The following ITGB5 variants were observed in gnomAD, a reference collection of about 807,000 sequenced individuals.
The protein encoded by ITGB5 is integrin beta-5.
Under a neutral mutation model 84.8 loss-of-function variants are expected in ITGB5, and 38 were observed. The ratio of observed to expected loss-of-function variants is 0.45; its 90% CI spans 0.35 to 0.59. ITGB5 has a LOEUF of 0.59. ITGB5 is among the 20% of genes least tolerant of loss of function. ITGB5 has a pLI of 0.01. For missense variants in ITGB5, 905 were observed against 1,034.5 expected (o/e 0.87, Z 1.72); for synonymous variants, 393 against 414.4 (o/e 0.95, Z 0.63).
rs1363393696 is a variant in ITGB5 at position 124,765,821 on chromosome 3, C to A, written c.2137+405G>T. On this transcript the variant is annotated intron_variant, in intron 13 of 14. Transcript: ENST00000296181. ...CCTGTAATCCTAGCACTTTGTGAGG[C>A]CAAGACAGGTGGATTGTTTGAGCCC... Among the ~76,000 whole-genome samples the A allele has an allele frequency of 3.3e-5, 5 of 152,252 alleles. No homozygotes were observed. The East Asian group carries it at 7.7e-4, about 24-fold the overall frequency.
intron 5 of ITGB5, among the ~76,000 whole-genome samples, chr3:124,828,128 G>T (rs59456526): frequency 6.6e-6 from 1 of 152,092 alleles, no homozygotes. Context: ...TTGGAAAACA[G>T]TTTGGCAGTT....
intron 3 of ITGB5, among the ~76,000 whole-genome samples, chr3:124,854,344 A>C (rs943904202): frequency 6.6e-6 from 1 of 152,252 alleles, no homozygotes; most frequent in African/African-American, 2.4e-5. Flanking sequence ...AAAAGAAAAA[A>C]GAATTGTCCC....
chr3:124,845,637 T>C (rs921213479), intron 4 of ITGB5, among the ~76,000 whole-genome samples: 2 of 152,174 alleles, frequency 1.3e-5, no homozygotes, highest in South Asian at 2.1e-4. Flanking sequence ...GAATAAGTAA[T>C]GATGTGTCAT....
At chr3:124,774,172 G>C (rs1229284745) in intron 10 of ITGB5, among the ~76,000 whole-genome samples, 1 of 152,232 alleles carries the variant, frequency 6.6e-6, no homozygotes, top group Admixed American at 6.5e-5. Context: ...TTGGGCCACA[G>C]GGCCAGGACC....
At chr3:124,868,618 C>CAAAAAAAAAAAAA (rs67873873) in intron 2 of ITGB5, among the ~76,000 whole-genome samples, 1 of 68,146 alleles carries the variant, frequency 1.5e-5, no homozygotes, top group African/African-American at 5.9e-5. Flanking sequence ...TGTTCTCTAC[C>CAAAAAAAAAAAAA]AAAAAAAAAA....
intron 1 of ITGB5, among the ~76,000 whole-genome samples, chr3:124,885,653 T>C (rs1934769816): frequency 6.6e-6 from 1 of 152,250 alleles, no homozygotes; most frequent in Non-Finnish European, 1.5e-5. Flanking sequence ...TTCCTGCTCC[T>C]CGCTTTCCCT....
At chr3:124,860,256 A>G (rs2065277787) in intron 2 of ITGB5, among the ~76,000 whole-genome samples, 1 of 152,196 alleles carries the variant, frequency 6.6e-6, no homozygotes, top group Non-Finnish European at 1.5e-5. Flanking sequence ...ATAACATAGC[A>G]TATCACTTCA....
intron 5 of ITGB5, among the ~76,000 whole-genome samples, chr3:124,831,897 G>A (rs77766880): frequency 0.018 from 2,706 of 152,236 alleles, 73 homozygotes; most frequent in African/African-American, 0.061. Context: ...GAGAAGAGCC[G>A]ATGGGTCTGA....
upstream of ITGB5, chr3:124,887,906 T>G (rs4679113): frequency 9.0e-6 from 2 of 221,836 alleles, no homozygotes; most frequent in African/African-American, 4.8e-5. Context: ...AAAACCTACA[T>G]TTCTTTTTCT....
chr3:124,878,119 G>A (rs988277336), intron 1 of ITGB5, among the ~76,000 whole-genome samples: 1 of 152,104 alleles, frequency 6.6e-6, no homozygotes, highest in African/African-American at 2.4e-5. Flanking sequence ...CAAAGTGCTG[G>A]GATTATAGAC....
At chr3:124,821,590 C>A in intron 5 of ITGB5, 116 bp from the exon 6 acceptor site, 2 of 1,110,416 alleles carry the variant, frequency 1.8e-6, no homozygotes, top group Non-Finnish European at 2.6e-6. Flanking sequence ...ATTCCCCTTG[C>A]CATGTGTACC....
In ITGB5 at chr3:124,879,537, T is replaced by C. The variant is rs78068067; in HGVS notation, c.71-6006A>G. On this transcript the variant is annotated intron_variant, in intron 1 of 14. Coordinates refer to ENST00000296181, the MANE Select transcript of ITGB5 (RefSeq NM_002213.5). ...ATGCAAATATGCCCTAGGAAGGTTC[T>C]ATCCCAGCAGTTCTCATTCAAGACT... Among the ~76,000 whole-genome samples, 684 of 152,356 alleles carry C rather than the reference T, an allele frequency of 4.5e-3. 16 individuals are homozygous for C. The highest frequency in any genetic ancestry group is 0.037 in the Admixed American group (560 of 15,300).
chr3:124,799,708 G>T (rs930527270), intron 9 of ITGB5, among the ~76,000 whole-genome samples: 8 of 152,200 alleles, frequency 5.3e-5, no homozygotes, highest in African/African-American at 1.7e-4. Context: ...GAGAAAACAG[G>T]GTTGGCGGGG....
chr3:124,767,901 G>A (rs989281951), intron 12 of ITGB5, among the ~76,000 whole-genome samples: 5 of 152,124 alleles, frequency 3.3e-5, no homozygotes, highest in South Asian at 2.1e-4. Context: ...GTGAAACTCC[G>A]TCTCTACAAA....
chr3:124,874,801 T>C (rs549677119), intron 1 of ITGB5, among the ~76,000 whole-genome samples: 1 of 152,288 alleles, frequency 6.6e-6, no homozygotes, highest in South Asian at 2.1e-4. Context: ...CAGATATCCA[T>C]ATACAGAAGA....
At chr3:124,827,858 G>A (rs944361745) in intron 5 of ITGB5, among the ~76,000 whole-genome samples, 1 of 151,912 alleles carries the variant, frequency 6.6e-6, no homozygotes, top group African/African-American at 2.4e-5. Flanking sequence ...CCTTCTCCTC[G>A]CTCATCCTGG....
chr3:124,864,263 C>T (rs915378773), intron 2 of ITGB5, among the ~76,000 whole-genome samples: 10 of 151,300 alleles, frequency 6.6e-5, no homozygotes, highest in African/African-American at 1.5e-4. Context: ...CCCGCCACCA[C>T]GCCCAGTTAA....
Position 124,848,914 on chromosome 3 carries a change from G to A in ITGB5, c.362-356C>T, listed in dbSNP as rs61760566. On this transcript the variant is annotated intron_variant, in intron 3 of 14. Coordinates refer to ENST00000296181, the MANE Select transcript of ITGB5 (RefSeq NM_002213.5). ...CATGCCTCAGCCTCCTGAGTAGCTG[G>A]GATTACAGGTGCCCACCACCATGCC... is the stretch of plus-strand genomic sequence containing the variant. Among the ~76,000 whole-genome samples, 1,437 of 152,166 alleles carry A rather than the reference G, an allele frequency of 9.4e-3. 31 individuals are homozygous for A. Among genetic ancestry groups the A allele is most frequent in the African/African-American group, 0.032 (1,339 of 41,488 alleles).
intron 11 of ITGB5, among the ~76,000 whole-genome samples, chr3:124,771,563 A>C (rs1308287086): frequency 6.6e-6 from 1 of 152,020 alleles, no homozygotes; most frequent in African/African-American, 2.4e-5. Context: ...AGCCTGGTCA[A>C]CATAGCAAGA....
Sources: gnomAD v4.1 joint callset for allele counts (sites outside exome capture counted in the v4.1 genomes callset) on GRCh38, gnomAD v4.1.1 for gene constraint, MANE v1.5 for transcripts, NCBI Gene and HGNC (gene_info 2026-07-23, HGNC 2026-07-21) for gene names.